The following PARD3B variants were observed in gnomAD, a reference collection of about 807,000 sequenced individuals.
The protein encoded by PARD3B is partitioning defective 3 homolog B.
In PARD3B, 103 loss-of-function variants were observed where a neutral mutation model predicts 130.2. That is an observed-to-expected ratio of 0.79 (90% confidence interval 0.67 to 0.93). The LOEUF (loss-of-function observed/expected upper bound fraction) is 0.93. Ranked by LOEUF, PARD3B falls within the 40% of genes least tolerant of loss-of-function variation. The probability of loss-of-function intolerance (pLI) is 0.00; values close to 1 mark genes in which losing one functional copy is unlikely to be tolerated. For missense variants in PARD3B, 1,609 were observed against 1,499.2 expected, an observed-to-expected ratio of 1.07 and a Z score of -1.21; for synonymous variants, 583 against 553.2, an observed-to-expected ratio of 1.05 and a Z score of -0.76.
chr2:205,343,219 A>G (rs1306064425), intron 18 of PARD3B, among the ~76,000 whole-genome samples: 1 of 152,188 alleles, frequency 6.6e-6, no homozygotes, highest in Non-Finnish European at 1.5e-5. Flanking sequence ...AAGTGTTCCC[A>G]TCAAATATCT....
At chr2:205,356,926 C>A (rs1024706930) in intron 18 of PARD3B, among the ~76,000 whole-genome samples, 3 of 150,964 alleles carry the variant, frequency 2.0e-5, no homozygotes, top group Non-Finnish European at 4.4e-5. Flanking sequence ...AAAAGAACAT[C>A]ATTCCAGTAA....
chr2:204,821,085 A>G (rs1334487157), intron 2 of PARD3B, among the ~76,000 whole-genome samples: 2 of 152,176 alleles, frequency 1.3e-5, no homozygotes, highest in African/African-American at 2.4e-5. Context: ...ATGGAGATAT[A>G]CATTAGGAGA....
chr2:204,949,028 A>G (rs1260208614), intron 2 of PARD3B, among the ~76,000 whole-genome samples: 1 of 152,226 alleles, frequency 6.6e-6, no homozygotes, highest in African/African-American at 2.4e-5. Flanking sequence ...CTTGCATGAA[A>G]GGATACCACA....
chr2:205,543,790 A>G (rs1017093745), intron 21 of PARD3B, among the ~76,000 whole-genome samples: 1 of 152,210 alleles, frequency 6.6e-6, no homozygotes, highest in Non-Finnish European at 1.5e-5. Flanking sequence ...TTGTAAATGG[A>G]AGTGACCAGA....
chr2:204,805,160 A>G (rs990480988), intron 2 of PARD3B, among the ~76,000 whole-genome samples: 1 of 152,110 alleles, frequency 6.6e-6, no homozygotes, highest in Non-Finnish European at 1.5e-5. Flanking sequence ...TTTTTTGAAA[A>G]GATAAAATTG....
intron 14 of PARD3B, among the ~76,000 whole-genome samples, 172 bp downstream of exon 14, chr2:205,186,035 T>G (rs543277853): frequency 7.2e-5 from 11 of 152,344 alleles, no homozygotes; most frequent in African/African-American, 2.4e-4. Context: ...TCATAGCTAA[T>G]AGCTTAGATT....
In PARD3B at chr2:205,061,540, A is replaced by ATG. The variant is rs1319450876; in HGVS notation, c.504+13860_504+13861dup. 5.3e-5 allele frequency among the ~76,000 whole-genome samples: 8 copies of ATG among 152,262 alleles called. No homozygotes were observed. In the South Asian group the frequency reaches 1.5e-3, roughly 28 times the overall value. On this transcript the variant is annotated intron_variant, in intron 4 of 22. Transcript: ENST00000406610. ...ATTCTTAGAACACATGGTAAGCACT[A>ATG]TGTGTGTGTGTTAAATACATACGTA...
intron 21 of PARD3B, among the ~76,000 whole-genome samples, chr2:205,516,276 G>GGTCT (rs2050789796): frequency 1.3e-5 from 2 of 151,962 alleles, no homozygotes; most frequent in Non-Finnish European, 2.9e-5. Context: ...TTTGCTATTT[G>GGTCT]GTCTCTTTTT....
In PARD3B at chr2:205,575,114, C is replaced by CAT. The variant is rs1553550391; in HGVS notation, c.3260+21711_3260+21712insAT. ...ACACACACACACACACACACACACA[C>CAT]GCGTACACTATATATAAAAATATAT... On this transcript the variant is annotated intron_variant, in intron 22 of 22. Transcript: ENST00000406610. The surrounding 1 kb of genome is among the most constrained non-coding windows in gnomAD (Gnocchi z 4.6). 1.1e-4 allele frequency among the ~76,000 whole-genome samples: 7 copies of CAT among 63,046 alleles called. No homozygotes were observed. The highest frequency in any genetic ancestry group is 1.9e-4 in the African/African-American group (5 of 26,144). 41.4% of individuals were successfully genotyped at this position (63,046 alleles called of 152,430 possible).
Position 205,225,538 on chromosome 2 carries a change from A to T in PARD3B, c.2141-20240A>T, listed in dbSNP as rs374173185. ...TCAGATGGTATATTAGTCTGTTCTC[A>T]CTCACACTGTTTTAAAGAACTACCT... is the stretch of plus-strand genomic sequence containing the variant. On this transcript the variant is annotated intron_variant, in intron 15 of 22. Transcript: ENST00000406610. Among the ~76,000 whole-genome samples the T allele has an allele frequency of 4.5e-4, 68 of 152,180 alleles. 3 individuals carry two copies. The South Asian group carries it at 0.014, about 31-fold the overall frequency.
chr2:205,552,117 C>A (rs2106492991), intron 21 of PARD3B, among the ~76,000 whole-genome samples: 1 of 152,268 alleles, frequency 6.6e-6, no homozygotes, highest in African/African-American at 2.4e-5. Flanking sequence ...AACCAACACA[C>A]AGTATTGAAA....
rs192285754 is a variant in PARD3B at position 205,160,248 on chromosome 2, A to C, written c.1620+1341A>C. Among the ~76,000 whole-genome samples the C allele has an allele frequency of 6.6e-6, 1 of 152,296 alleles. No individual in the cohort carries two copies. The highest frequency in any genetic ancestry group is 1.9e-4 in the East Asian group (1 of 5,194). On this transcript the variant is annotated intron_variant, in intron 11 of 22. Transcript: ENST00000406610. The surrounding 1 kb of genome is among the most constrained non-coding windows in gnomAD (Gnocchi z 4.0). ...ACATCAATAAGCCTTTATTTTTCTCATAGCTCTGTGTGGGGGAGCTGGGGT... is the reference window on the plus strand; with the variant it reads ...ACATCAATAAGCCTTTATTTTTCTCCTAGCTCTGTGTGGGGGAGCTGGGGT...
intron 2 of PARD3B, among the ~76,000 whole-genome samples, chr2:204,861,659 G>A (rs2045208156): frequency 6.6e-6 from 1 of 151,942 alleles, no homozygotes; most frequent in South Asian, 2.1e-4. Flanking sequence ...AGTACTCTTG[G>A]CTTTTGGACT....
chr2:204,818,407 T>C (rs2043219484), intron 2 of PARD3B, among the ~76,000 whole-genome samples: 1 of 152,194 alleles, frequency 6.6e-6, no homozygotes, highest in African/African-American at 2.4e-5. Flanking sequence ...TATTTGCTTC[T>C]TTCTAAAATA....
intron 1 of PARD3B, among the ~76,000 whole-genome samples, chr2:204,641,098 TTATATA>T (rs980503297): frequency 6.7e-6 from 1 of 148,166 alleles, no homozygotes; most frequent in Non-Finnish European, 1.5e-5. Flanking sequence ...ATATGTACAT[TTATATA>T]TATTTATTCT....
At chr2:205,239,179 A>C (rs2039240364) in intron 15 of PARD3B, among the ~76,000 whole-genome samples, 1 of 151,896 alleles carries the variant, frequency 6.6e-6, no homozygotes, top group Non-Finnish European at 1.5e-5. Context: ...ATCAGAATCC[A>C]GGGCCTTTTA....
chr2:205,057,344 CATATACAT>C (rs1559396486), intron 4 of PARD3B, among the ~76,000 whole-genome samples: 1,820 of 86,048 alleles, frequency 0.021, 11 homozygotes, highest in Non-Finnish European at 0.037. Context: ...GTGTTATATA[CATATACAT>C]ATATACATGT....
At chr2:205,054,432 A>ATTTTTT (rs1276333044) in intron 4 of PARD3B, among the ~76,000 whole-genome samples, 19 of 30,992 alleles carry the variant, frequency 6.1e-4, no homozygotes, top group African/African-American at 2.9e-3. Flanking sequence ...ATATATATAT[A>ATTTTTT]TATATTTTTT....
intron 19 of PARD3B, among the ~76,000 whole-genome samples, chr2:205,408,803 T>C (rs1019871754): frequency 7.9e-5 from 12 of 152,186 alleles, no homozygotes; most frequent in African/African-American, 2.9e-4. Flanking sequence ...CATCACTGAA[T>C]ATCCCTATCT....
Sources: allele counts gnomAD v4.1 joint callset (sites outside exome capture counted in the v4.1 genomes callset), GRCh38; gene constraint gnomAD v4.1.1; non-coding constraint Gnocchi (gnomAD v3.1); transcripts MANE v1.5; gene names NCBI Gene and HGNC (gene_info 2026-07-23, HGNC 2026-07-21).